VPS13A: variants seen among roughly 807,000 people sequenced by gnomAD.
VPS13A encodes vacuolar protein sorting 13 homolog A, also known as intermembrane lipid transfer protein VPS13A.
VPS13A carries 264 observed loss-of-function variants against 390.9 expected under a neutral mutation model. The ratio of observed to expected loss-of-function variants is 0.68; its 90% CI spans 0.61 to 0.75. VPS13A has a LOEUF of 0.75. VPS13A is among the 30% of genes least tolerant of loss of function. The pLI, the probability that VPS13A is intolerant of heterozygous loss-of-function variation, is 0.00. For missense variants in VPS13A, 3,409 were observed against 3,733.9 expected, an observed-to-expected ratio of 0.91 and a Z score of 2.27; for synonymous variants, 1,231 against 1,227.1, an observed-to-expected ratio of 1.00 and a Z score of -0.07.
chr9:77,247,909 T>C (rs917097704), intron 20 of VPS13A, among the ~76,000 whole-genome samples: 2 of 152,230 alleles, frequency 1.3e-5, no homozygotes, highest in African/African-American at 2.4e-5. Flanking sequence ...TCCACTTGCA[T>C]TGGCTTCCCT....
Position 77,219,960 on chromosome 9 carries a change from G to A in VPS13A, c.761G>A (p.Arg254His), listed in dbSNP as rs373017066. 5.0e-6 allele frequency: 8 copies of A among 1,612,786 alleles called. No individual in the cohort carries two copies. The highest frequency in any genetic ancestry group is 2.7e-5 in the African/African-American group (2 of 74,672). ...CATTTTTATTATTTTTCAGTATTTC[G>A]TCCCATATCTGCTAATGCCAAACTT... ...IVPEGYDFVF[R>H]PISANAKLVM... The change falls in exon 11 of 72, where the codon CGT becomes CAT. Residue 254 changes from arginine to histidine, a missense_variant. Arg to His is a conservative substitution (Grantham distance 29). This residue lies in a region of VPS13A where 2,717 missense variants were observed against 2,917.4 expected (regional missense o/e 0.93). Transcript: ENST00000360280.
intron 71 of VPS13A, among the ~76,000 whole-genome samples, chr9:77,414,410 TA>T (rs1385208644): frequency 6.6e-6 from 1 of 152,040 alleles, no homozygotes; most frequent in African/African-American, 2.4e-5. Context: ...TATACAGCCA[TA>T]AAAAATAATG....
intron 46 of VPS13A, among the ~76,000 whole-genome samples, 167 bp from the exon 47 acceptor site, chr9:77,337,088 C>T (rs1437537941): frequency 2.6e-5 from 4 of 151,878 alleles, no homozygotes; most frequent in Admixed American, 6.6e-5. Flanking sequence ...TGAGCCACCG[C>T]GCCTGGCCTT....
At chr9:77,186,528 C>T (rs1431543283) in intron 1 of VPS13A, among the ~76,000 whole-genome samples, 1 of 152,012 alleles carries the variant, frequency 6.6e-6, no homozygotes, top group Non-Finnish European at 1.5e-5. Flanking sequence ...ACCTCTGCCT[C>T]CTGGGTTCAA....
Position 77,210,727 on chromosome 9 carries a change from A to G in VPS13A, c.555+52A>G, listed in dbSNP as rs369548882. 1,716 of 1,550,702 alleles carry G rather than the reference A, an allele frequency of 1.1e-3. 1 individual carries two copies. Among genetic ancestry groups the G allele is most frequent in the East Asian group, 3.9e-3 (173 of 44,548 alleles). ...CCATATTTAATGTGCAATATAGTCT[A>G]TTAAACTGCTACTATTTGTATATGC... is the stretch of plus-strand genomic sequence containing the variant. On this transcript the variant is annotated intron_variant, in intron 7 of 71. Transcript: ENST00000360280.
At chr9:77,383,500 C>T (rs1833544655) in intron 68 of VPS13A, among the ~76,000 whole-genome samples, 1 of 151,980 alleles carries the variant, frequency 6.6e-6, no homozygotes, top group Non-Finnish European at 1.5e-5. Context: ...TAACAAGTTA[C>T]TAACATTTTA....
intron 52 of VPS13A, 23 bp from the exon 53 acceptor site, chr9:77,351,294 G>T: frequency 6.2e-7 from 1 of 1,609,412 alleles, no homozygotes; most frequent in Non-Finnish European, 8.5e-7. Flanking sequence ...TTAATTTAAC[G>T]CGTATTTTTG....
chr9:77,293,622 A>T (rs993692148), intron 32 of VPS13A, 114 bp downstream of exon 32: 3 of 563,686 alleles, frequency 5.3e-6, no homozygotes, highest in Non-Finnish European at 8.2e-6. Flanking sequence ...TGATTTTTTA[A>T]ATCTTCTGGG....
intron 52 of VPS13A, 93 bp from the exon 53 acceptor site, chr9:77,351,224 G>A (rs930249380): frequency 3.7e-5 from 56 of 1,496,254 alleles, no homozygotes; most frequent in Non-Finnish European, 4.8e-5. Flanking sequence ...AGATCTCAGT[G>A]AACTAAGAAT....
At chr9:77,393,715 A>C (rs925872301) in intron 68 of VPS13A, among the ~76,000 whole-genome samples, 4 of 152,216 alleles carry the variant, frequency 2.6e-5, no homozygotes, top group Non-Finnish European at 1.5e-5. Flanking sequence ...AGGTCTCAAC[A>C]GTGGGCTTAA....
At chr9:77,393,729 A>G (rs953137541) in intron 68 of VPS13A, among the ~76,000 whole-genome samples, 5 of 152,204 alleles carry the variant, frequency 3.3e-5, no homozygotes, top group African/African-American at 4.8e-5. Context: ...GGCTTAAAAT[A>G]TTTAGTAAAC....
chr9:77,237,017 G>A (rs1489239860), intron 17 of VPS13A, among the ~76,000 whole-genome samples: 1 of 152,008 alleles, frequency 6.6e-6, no homozygotes, highest in Non-Finnish European at 1.5e-5. Context: ...AGGCTCCCGA[G>A]TAGCTGGGAT....
rs1448705640 is a variant in VPS13A, at chr9:77,421,068, T to G, written c.*5062T>G. 1 of 152,208 alleles carries G rather than the reference T, an allele frequency of 6.6e-6. No homozygotes were observed. Among genetic ancestry groups the G allele is most frequent in the Non-Finnish European group, 1.5e-5 (1 of 68,042 alleles). The allele number at this position is 152,208 out of a possible 1,614,324, so 9.4% of individuals were successfully genotyped here. Reference sequence around the variant, plus strand: ...CTGTGTATTACATATAAAAATGAATTTTTCAGGAAAAGTGCACTTTAAAAA... The same window carrying G: ...CTGTGTATTACATATAAAAATGAATGTTTCAGGAAAAGTGCACTTTAAAAA... On this transcript the variant is annotated 3_prime_UTR_variant, in exon 72 of 72. Transcript: ENST00000360280.
intron 45 of VPS13A, among the ~76,000 whole-genome samples, chr9:77,327,109 T>C (rs1490986515): frequency 6.6e-6 from 1 of 152,154 alleles, no homozygotes; most frequent in Non-Finnish European, 1.5e-5. Context: ...TCATAGGGCT[T>C]ATGTAGTTTT....
chr9:77,390,087 G>C, intron 68 of VPS13A: 1 of 985,402 alleles, frequency 1.0e-6, no homozygotes, highest in Non-Finnish European at 1.2e-6. Flanking sequence ...TCTTACTATA[G>C]CAGTCAGATC....
intron 2 of VPS13A, among the ~76,000 whole-genome samples, chr9:77,200,924 GT>G (rs1420812178): frequency 6.6e-6 from 1 of 152,084 alleles, no homozygotes; most frequent in Non-Finnish European, 1.5e-5. Context: ...TGGATATCTA[GT>G]TTTCCTAGCA....
intron 45 of VPS13A, among the ~76,000 whole-genome samples, chr9:77,330,060 G>A (rs907041251): frequency 2.6e-5 from 4 of 151,912 alleles, no homozygotes; most frequent in Non-Finnish European, 5.9e-5. Context: ...TTGCTCTATC[G>A]CCCAGGAGTG....
chr9:77,314,477 T>C lies in VPS13A; in HGVS notation c.4243-18T>C. 1 of 1,609,184 alleles carries C rather than the reference T, an allele frequency of 6.2e-7. No individual in the cohort carries two copies. The highest frequency in any genetic ancestry group is 8.5e-7 in the Non-Finnish European group (1 of 1,177,660). ...CTTGTGTTTCTTTGTAATTTTGTGT[T>C]GGTTTCTCCTTTCATAGGCTTCCTT... is the stretch of plus-strand genomic sequence containing the variant. On this transcript the variant is annotated intron_variant, in intron 36 of 71. Coordinates refer to ENST00000360280, the MANE Select transcript of VPS13A (RefSeq NM_033305.3).
At chr9:77,212,884 C>T in intron 7 of VPS13A, 85 bp from the exon 8 acceptor site, 1 of 1,400,144 alleles carries the variant, frequency 7.1e-7, no homozygotes, top group Non-Finnish European at 1.0e-6. Context: ...GGACATTGGT[C>T]TAGGGTATGG....
Sources: allele counts gnomAD v4.1 joint callset (sites outside exome capture counted in the v4.1 genomes callset), GRCh38; gene constraint gnomAD v4.1.1; regional missense constraint gnomAD v4.1.1; transcripts MANE v1.5; gene names NCBI Gene and HGNC (gene_info 2026-07-23, HGNC 2026-07-21).